RABGEF1: variants seen among roughly 807,000 people sequenced by gnomAD.
RABGEF1 encodes the protein RAB guanine nucleotide exchange factor 1.
Under a neutral mutation model 57.3 loss-of-function variants are expected in RABGEF1, and 26 were observed. The observed-to-expected ratio is 0.45, with a 90% CI of 0.33 to 0.63. The LOEUF is 0.63. RABGEF1 is among the 20% of genes least tolerant of loss of function. The pLI is 0.02. For synonymous variants in RABGEF1, 185 were observed against 210.7 expected, an observed-to-expected ratio of 0.88 and a Z score of 1.06; for missense variants, 464 against 607.6, an observed-to-expected ratio of 0.76 and a Z score of 2.48.
At chr7:66,655,469 C>G in the RABGEF1 span, among the ~76,000 whole-genome samples, 4 of 152,170 alleles carry the variant, frequency 2.6e-5, no homozygotes, top group African/African-American at 9.7e-5. Flanking sequence ...TTTACCGGAG[C>G]ACCTTGGGAG....
intron 1 of RABGEF1, among the ~76,000 whole-genome samples, chr7:66,699,664 C>A (rs1286443694): frequency 3.3e-5 from 5 of 150,960 alleles, no homozygotes; most frequent in Admixed American, 1.3e-4. Context: ...TGCACTCCAA[C>A]CTTGGTGACA....
In RABGEF1 at chr7:66,809,729, G is replaced by A. The variant is rs910697002; in HGVS notation, c.*445G>A. The A allele has an allele frequency of 1.3e-5, 2 of 153,168 alleles. No homozygotes were observed. Among genetic ancestry groups the A allele is most frequent in the Non-Finnish European group, 2.9e-5 (2 of 68,448 alleles). The allele number at this position is 153,168 out of a possible 1,614,324, so 9.5% of individuals were successfully genotyped here. Reference sequence around the variant, plus strand: ...TATTGATAAGTAAATATGTAAAATTGTAAATATGTAAAAAAAAGAATGGTG... The same window carrying A: ...TATTGATAAGTAAATATGTAAAATTATAAATATGTAAAAAAAAGAATGGTG... On this transcript the variant is annotated 3_prime_UTR_variant, in exon 9 of 9. Coordinates refer to ENST00000284957, the MANE Select transcript of RABGEF1 (RefSeq NM_014504.3).
At chr7:66,676,211 A>G in the RABGEF1 span, among the ~76,000 whole-genome samples, 3 of 152,030 alleles carry the variant, frequency 2.0e-5, no homozygotes. Context: ...TGAACCCAGG[A>G]GGCAGAGGTT....
chr7:66,745,885 A>G (rs1800110565), intron 1 of RABGEF1, among the ~76,000 whole-genome samples: 1 of 152,110 alleles, frequency 6.6e-6, no homozygotes, highest in African/African-American at 2.4e-5. Flanking sequence ...GCTTGAGCCT[A>G]GGAGTTCCAG....
chr7:66,659,650 C>T, the RABGEF1 span, among the ~76,000 whole-genome samples: 1 of 151,412 alleles, frequency 6.6e-6, no homozygotes, highest in Non-Finnish European at 1.5e-5. Flanking sequence ...TGTGGTGTTA[C>T]CCTCCTGTGG....
intron 2 of RABGEF1, among the ~76,000 whole-genome samples, chr7:66,714,001 T>G (rs1795074276): frequency 6.6e-6 from 1 of 152,240 alleles, no homozygotes; most frequent in African/African-American, 2.4e-5. Context: ...TCTATGTTCA[T>G]AGAGACTATT....
chr7:66,785,065 T>C (rs916963984), intron 4 of RABGEF1, among the ~76,000 whole-genome samples: 2 of 152,230 alleles, frequency 1.3e-5, no homozygotes, highest in African/African-American at 4.8e-5. Flanking sequence ...CTGTATAATA[T>C]GTTTTAGAAA....
chr7:66,680,940 G>A (rs1789671293), upstream of RABGEF1, among the ~76,000 whole-genome samples: 1 of 152,150 alleles, frequency 6.6e-6, no homozygotes, highest in Non-Finnish European at 1.5e-5. Flanking sequence ...AAAATTAGCT[G>A]GGCATGGTGG....
chr7:66,720,957 G>A (rs778001232), intron 2 of RABGEF1, among the ~76,000 whole-genome samples: 2 of 152,024 alleles, frequency 1.3e-5, no homozygotes, highest in Admixed American at 6.6e-5. Flanking sequence ...TTACTCTGTC[G>A]CCCAAGCTTG....
At chr7:66,770,078 CTTTTTCTGCG>C (rs1806706441) in intron 1 of RABGEF1, among the ~76,000 whole-genome samples, 1 of 152,184 alleles carries the variant, frequency 6.6e-6, no homozygotes, top group South Asian at 2.1e-4. Context: ...AACACTTTCT[CTTTTTCTGCG>C]TTTTTCAGTC....
intron 6 of RABGEF1, 59 bp downstream of exon 6, chr7:66,797,565 G>T (rs1786286543): frequency 1.3e-6 from 2 of 1,553,996 alleles, no homozygotes; most frequent in Admixed American, 2.0e-5. Context: ...GAACACACTG[G>T]GGGGAAAATA....
At chr7:66,682,479 A>G (rs1789905722) in intron 1 of RABGEF1, among the ~76,000 whole-genome samples, 1 of 152,150 alleles carries the variant, frequency 6.6e-6, no homozygotes, top group Non-Finnish European at 1.5e-5. Flanking sequence ...TCTCCGTCCA[A>G]CGTGCTCGTT....
At chr7:66,791,895 C>T (rs1412158470) in intron 4 of RABGEF1, among the ~76,000 whole-genome samples, 3 of 152,210 alleles carry the variant, frequency 2.0e-5, no homozygotes, top group African/African-American at 4.8e-5. Context: ...GGATGGATCA[C>T]GAGGTCAGGA....
chr7:66,730,943 G>C (rs1797243347), intron 2 of RABGEF1, among the ~76,000 whole-genome samples: 1 of 152,196 alleles, frequency 6.6e-6, no homozygotes, highest in Non-Finnish European at 1.5e-5. Flanking sequence ...GAACTGGCAG[G>C]GGTGGGGTGG....
intron 1 of RABGEF1, among the ~76,000 whole-genome samples, chr7:66,696,219 C>T (rs1279019348): frequency 6.6e-6 from 1 of 152,046 alleles, no homozygotes; most frequent in African/African-American, 2.4e-5. Flanking sequence ...GTGCCTAACA[C>T]CATGCCTGGC....
Position 66,788,443 on chromosome 7 carries a change from C to CA in RABGEF1, c.513+4611dup, listed in dbSNP as rs966517283. Among the ~76,000 whole-genome samples, 236 of 147,166 alleles carry CA rather than the reference C, an allele frequency of 1.6e-3. 2 individuals carry two copies. The highest frequency in any genetic ancestry group is 4.3e-3 in the African/African-American group (172 of 40,068). ...TGGGCAACAGAGCAAGACTCCATCTCAAAAAAAAACAAAAAACAAAACAAA... is the reference window on the plus strand; with the variant it reads ...TGGGCAACAGAGCAAGACTCCATCTCAAAAAAAAAACAAAAAACAAAACAAA... On this transcript the variant is annotated intron_variant, in intron 4 of 8. Coordinates refer to ENST00000284957, the MANE Select transcript of RABGEF1 (RefSeq NM_014504.3).
chr7:66,733,053 G>A (rs531691271), intron 2 of RABGEF1, among the ~76,000 whole-genome samples: 64 of 152,230 alleles, frequency 4.2e-4, no homozygotes, highest in African/African-American at 1.5e-3. Flanking sequence ...CTCCTTAGCC[G>A]CGTAGTCAAG....
At chr7:66,715,596 TTTC>T (rs1795297502) in intron 2 of RABGEF1, among the ~76,000 whole-genome samples, 1 of 152,264 alleles carries the variant, frequency 6.6e-6, no homozygotes, top group Non-Finnish European at 1.5e-5. Context: ...ATGTAGTTAA[TTTC>T]TAGGCATTTG....
rs1234915637 is a variant in RABGEF1 at position 66,699,024 on chromosome 7, C to A, written c.-872-13143C>A. 3.3e-5 allele frequency among the ~76,000 whole-genome samples: 5 copies of A among 152,200 alleles called. No homozygotes were observed. The East Asian group carries it at 9.6e-4, about 29-fold the overall frequency. On this transcript the variant is annotated intron_variant and NMD_transcript_variant, in intron 1 of 9. Transcript: ENST00000607882. ...TCAGTCCCACATGCAGCGCTGGGAC[C>A]TCTGGGAAGTCACTGAGACAGAGCC...
Sources: allele counts gnomAD v4.1 joint callset (sites outside exome capture counted in the v4.1 genomes callset), GRCh38; gene constraint gnomAD v4.1.1; transcripts MANE v1.5; gene names NCBI Gene and HGNC (gene_info 2026-07-23, HGNC 2026-07-21).